PALM2AKAP2: variants seen among roughly 807,000 people sequenced by gnomAD.
PALM2AKAP2 encodes PALM2-AKAP2 fusion protein.
A neutral mutation model predicts 71.5 loss-of-function variants in PALM2AKAP2; 37 were observed. That is an observed-to-expected ratio of 0.52 (90% confidence interval 0.40 to 0.68). The LOEUF (loss-of-function observed/expected upper bound fraction) is 0.68. Ranked by LOEUF, PALM2AKAP2 falls within the 30% of genes least tolerant of loss-of-function variation. The pLI, the probability that PALM2AKAP2 is intolerant of heterozygous loss-of-function variation, is 0.00. For missense variants in PALM2AKAP2, 1,224 were observed against 1,191.8 expected (o/e 1.03, Z -0.40); for synonymous variants, 468 against 478.8 (o/e 0.98, Z 0.29).
intron 1 of PALM2AKAP2, among the ~76,000 whole-genome samples, chr9:109,683,353 A>G (rs186584821): frequency 6.6e-6 from 1 of 152,288 alleles, no homozygotes; most frequent in Non-Finnish European, 1.5e-5. Context: ...TCCTTATAAG[A>G]GAAGTGCAGA....
intron 7 of PALM2AKAP2, among the ~76,000 whole-genome samples, chr9:110,038,181 G>T (rs982084528): frequency 6.6e-5 from 10 of 151,834 alleles, no homozygotes; most frequent in African/African-American, 2.2e-4. Flanking sequence ...TCTCTACAAA[G>T]AACAAAAAAA....
Position 109,964,215 on chromosome 9 carries a change from T to G in PALM2AKAP2, c.496+32187T>G, listed in dbSNP as rs557910015. Among the ~76,000 whole-genome samples the G allele has an allele frequency of 5.1e-3, 779 of 152,390 alleles. 5 individuals carry two copies. The highest frequency in any genetic ancestry group is 0.018 in the African/African-American group (749 of 41,606). On this transcript the variant is annotated intron_variant, in intron 6 of 9. Coordinates refer to the PALM2AKAP2 transcript ENST00000302798. ...TTCGGCATAGGCCTGGCTGCAGCCCTACCAGTTCCCATTGTCTTACACCAG... is the reference window on the plus strand; with the variant it reads ...TTCGGCATAGGCCTGGCTGCAGCCCGACCAGTTCCCATTGTCTTACACCAG...
intron 1 of PALM2AKAP2, among the ~76,000 whole-genome samples, chr9:110,051,793 C>T (rs1049432665): frequency 2.6e-5 from 4 of 152,126 alleles, no homozygotes; most frequent in African/African-American, 7.2e-5. Context: ...ATAGTACTCA[C>T]TGCTTAGATT....
chr9:109,825,960 A>C (rs1828137647), intron 1 of PALM2AKAP2, among the ~76,000 whole-genome samples: 1 of 152,218 alleles, frequency 6.6e-6, no homozygotes. Context: ...ACTTGGAACC[A>C]ACCCAAATGT....
chr9:109,781,370 T>C (rs1018912928), intron 1 of PALM2AKAP2, among the ~76,000 whole-genome samples: 3 of 152,210 alleles, frequency 2.0e-5, no homozygotes, highest in Non-Finnish European at 4.4e-5. Flanking sequence ...GATGAGGGAA[T>C]GATTACTGCT....
At chr9:109,841,396 T>A (rs570212204) in intron 1 of PALM2AKAP2, among the ~76,000 whole-genome samples, 1 of 146,836 alleles carries the variant, frequency 6.8e-6, no homozygotes, top group Admixed American at 6.9e-5. Context: ...GGGATAGCAT[T>A]AGGAGATATA....
chr9:110,014,804 A>T (rs1338307158), intron 6 of PALM2AKAP2, among the ~76,000 whole-genome samples: 1 of 4,290 alleles, frequency 2.3e-4, no homozygotes, highest in Non-Finnish European at 5.8e-4. Context: ...AAAAAAAAAA[A>T]TGTATATATA....
chr9:110,082,210 C>G (rs1834465312), intron 1 of PALM2AKAP2, among the ~76,000 whole-genome samples: 1 of 152,102 alleles, frequency 6.6e-6, no homozygotes, highest in Non-Finnish European at 1.5e-5. Flanking sequence ...TAGTGTGCCA[C>G]CACACCCGAC....
intron 2 of PALM2AKAP2, among the ~76,000 whole-genome samples, chr9:110,145,567 G>A (rs1395953956): frequency 6.6e-6 from 1 of 152,100 alleles, no homozygotes; most frequent in Admixed American, 6.5e-5. Context: ...AGTCAACTAA[G>A]TTAGTTGACT....
In PALM2AKAP2 at chr9:110,055,161, A is replaced by G. The variant is rs111674474; in HGVS notation, c.156+6306A>G. 7.0e-3 allele frequency among the ~76,000 whole-genome samples: 968 copies of G among 137,902 alleles called. 12 individuals are homozygous for G. Among genetic ancestry groups the G allele is most frequent in the South Asian group, 0.054 (221 of 4,128 alleles). 90.5% of individuals were successfully genotyped at this position (137,902 alleles called of 152,430 possible). On this transcript the variant is annotated intron_variant, in intron 1 of 3. Coordinates refer to ENST00000374525, the Ensembl canonical transcript of PALM2AKAP2. The stretch of plus-strand genomic sequence containing the variant: ...CCGCAATTTTCAGAACCATAATCCT[A>G]GTTTTTTAGTTTTTTTTTTTAAATT...
rs1827758482 is a variant in PALM2AKAP2, at chr9:109,682,992, T to A, written c.5+42126T>A. On this transcript the variant is annotated intron_variant, in intron 1 of 6. Transcript: ENST00000374531. ...TTGGACCACGAGGGTGGATTTCTCA[T>A]GAATAGTTTAGCACCATGTCCTTGG... Among the ~76,000 whole-genome samples the A allele has an allele frequency of 2.0e-5, 3 of 152,330 alleles. No individual in the cohort carries two copies. In the South Asian group the frequency reaches 6.2e-4, roughly 32 times the overall value.
intron 6 of PALM2AKAP2, among the ~76,000 whole-genome samples, chr9:109,952,438 G>A (rs1831662026): frequency 6.6e-6 from 1 of 151,066 alleles, no homozygotes; most frequent in Non-Finnish European, 1.5e-5. Context: ...CATCTGGTTG[G>A]GTTCCATGGT....
chr9:110,046,037 T>C (rs753279203), upstream of PALM2AKAP2, among the ~76,000 whole-genome samples: 9 of 152,194 alleles, frequency 5.9e-5, no homozygotes, highest in Non-Finnish European at 8.8e-5. Context: ...ATCGTGACAA[T>C]AAGAAATGTC....
intron 1 of PALM2AKAP2, among the ~76,000 whole-genome samples, chr9:110,103,088 C>T (rs1001946327): frequency 6.6e-6 from 1 of 152,172 alleles, no homozygotes; most frequent in Non-Finnish European, 1.5e-5. Context: ...GCTCAGCTTT[C>T]CCTTCCTCAT....
chr9:109,925,062 G>T, exon 5 of PALM2AKAP2: 2 of 1,614,100 alleles, frequency 1.2e-6, no homozygotes, highest in Non-Finnish European at 1.7e-6. Flanking sequence ...TTCCTACAGG[G>T]TTTCTCCAGT....
intron 1 of PALM2AKAP2, among the ~76,000 whole-genome samples, chr9:109,643,524 C>T (rs1827104139): frequency 6.6e-6 from 1 of 152,226 alleles, no homozygotes; most frequent in Non-Finnish European, 1.5e-5. Context: ...CACATTCCCT[C>T]TGAGTCTCCT....
chr9:109,934,537 C>T (rs1831178991), intron 6 of PALM2AKAP2, among the ~76,000 whole-genome samples: 1 of 152,004 alleles, frequency 6.6e-6, no homozygotes, highest in Admixed American at 6.6e-5. Flanking sequence ...CATCCCTGTC[C>T]CTCCCCTCTG....
At chr9:109,740,147 AT>A (rs1383446568) in intron 1 of PALM2AKAP2, among the ~76,000 whole-genome samples, 3 of 152,178 alleles carry the variant, frequency 2.0e-5, no homozygotes, top group African/African-American at 7.2e-5. Context: ...CTTTCTATTC[AT>A]TTGTTCACTC....
At chr9:110,124,826 T>G (rs563854026) in intron 1 of PALM2AKAP2, among the ~76,000 whole-genome samples, 2 of 152,242 alleles carry the variant, frequency 1.3e-5, no homozygotes, top group East Asian at 3.9e-4. Flanking sequence ...ACTTAAAACA[T>G]ATCTTACAAG....
Sources: gnomAD v4.1 joint callset for allele counts (sites outside exome capture counted in the v4.1 genomes callset) on GRCh38, gnomAD v4.1.1 for gene constraint, MANE v1.5 for transcripts, NCBI Gene and HGNC (gene_info 2026-07-23, HGNC 2026-07-21) for gene names.